Variants in EDIL3 observed in about 807,000 individuals in gnomAD.
EDIL3 encodes EGF-like repeat and discoidin I-like domain-containing protein 3.
A neutral mutation model predicts 67.4 loss-of-function variants in EDIL3; 37 were observed. The observed-to-expected ratio is 0.55, with a 90% confidence interval of 0.42 to 0.72. EDIL3 has a LOEUF of 0.72. Ranked by LOEUF, EDIL3 falls within the 30% of genes least tolerant of loss-of-function variation. The pLI, the probability that EDIL3 is intolerant of heterozygous loss-of-function variation, is 0.00. For synonymous variants in EDIL3, 195 were observed against 196.3 expected, an observed-to-expected ratio of 0.99 and a Z score of 0.05; for missense variants, 527 against 586.3, an observed-to-expected ratio of 0.90 and a Z score of 1.04.
chr5:84,100,338 A>G (rs1156976921), intron 6 of EDIL3, among the ~76,000 whole-genome samples: 1 of 152,172 alleles, frequency 6.6e-6, no homozygotes, highest in Non-Finnish European at 1.5e-5. Context: ...AATGCCCATC[A>G]ATGATAGACT....
At chr5:84,159,974 C>T (rs966723785) in intron 4 of EDIL3, among the ~76,000 whole-genome samples, 3 of 151,966 alleles carry the variant, frequency 2.0e-5, no homozygotes, top group Non-Finnish European at 4.4e-5. Flanking sequence ...ATTTTCTCAC[C>T]GCTTGTGTTG....
At chr5:84,025,578 A>C (rs1440762379) in intron 9 of EDIL3, among the ~76,000 whole-genome samples, 1 of 152,124 alleles carries the variant, frequency 6.6e-6, no homozygotes, top group Non-Finnish European at 1.5e-5. Flanking sequence ...ACTATTCCCA[A>C]CCCAGTCTGT....
At chr5:84,033,704 T>TAAAAAAAAAAAAAAAAAAAA (rs71605889) in intron 9 of EDIL3, among the ~76,000 whole-genome samples, 1 of 92,822 alleles carries the variant, frequency 1.1e-5, no homozygotes, top group Non-Finnish European at 2.1e-5. Context: ...ACATTGTCTC[T>TAAAAAAAAAAAAAAAAAAAA]AAAAAAAAAA....
chr5:84,013,105 A>C (rs507987), intron 9 of EDIL3, among the ~76,000 whole-genome samples: 98,318 of 151,128 alleles, frequency 0.65, 32,231 homozygotes, highest in East Asian at 0.75. Context: ...CAAGGATTTT[A>C]CACCTATTAC....
At chr5:84,373,323 T>C (rs565237063) in intron 1 of EDIL3, among the ~76,000 whole-genome samples, 1 of 152,204 alleles carries the variant, frequency 6.6e-6, no homozygotes, top group African/African-American at 2.4e-5. Context: ...CCAATCATCA[T>C]GTCTTCTACC....
At chr5:84,058,487 TAGA>T (rs1352609379) in intron 9 of EDIL3, among the ~76,000 whole-genome samples, 9 of 152,142 alleles carry the variant, frequency 5.9e-5, no homozygotes, top group African/African-American at 2.2e-4. Flanking sequence ...GCACTGGTGA[TAGA>T]AGTAGCAGTG....
intron 9 of EDIL3, among the ~76,000 whole-genome samples, chr5:84,034,605 G>C (rs1745984926): frequency 6.6e-6 from 1 of 152,132 alleles, no homozygotes; most frequent in African/African-American, 2.4e-5. Context: ...AAAAAGACAA[G>C]GGAGGGTGTT....
At chr5:84,212,310 T>C (rs370004851) in intron 3 of EDIL3, among the ~76,000 whole-genome samples, 1 of 152,184 alleles carries the variant, frequency 6.6e-6, no homozygotes, top group South Asian at 2.1e-4. Flanking sequence ...GAGAGAAGGA[T>C]GAGTCCAGTT....
intron 2 of EDIL3, among the ~76,000 whole-genome samples, chr5:84,248,674 C>A (rs1489387372): frequency 6.6e-6 from 1 of 152,150 alleles, no homozygotes; most frequent in Non-Finnish European, 1.5e-5. Flanking sequence ...CCTCCCAATC[C>A]TGTGTATTGT....
chr5:84,141,932 TATATATATATATATACATAG>T (rs1371774238), intron 4 of EDIL3, among the ~76,000 whole-genome samples: 2 of 97,256 alleles, frequency 2.1e-5, no homozygotes, highest in African/African-American at 7.4e-5. Context: ...TACACATATA[TATATATATATATATACATAG>T]ATCTATCTAT....
At chr5:84,210,310 T>C (rs1256708839) in intron 3 of EDIL3, among the ~76,000 whole-genome samples, 14 of 152,150 alleles carry the variant, frequency 9.2e-5, no homozygotes, top group Non-Finnish European at 1.6e-4. Flanking sequence ...TTTGCAATGA[T>C]GTGTTACTCT....
chr5:84,231,692 A>G (rs139537440), intron 2 of EDIL3, among the ~76,000 whole-genome samples: 4 of 152,340 alleles, frequency 2.6e-5, no homozygotes, highest in African/African-American at 9.6e-5. Flanking sequence ...CACAGTTGGC[A>G]TGCATGGCGC....
intron 6 of EDIL3, among the ~76,000 whole-genome samples, chr5:84,096,871 A>C (rs1747273996): frequency 6.6e-6 from 1 of 152,120 alleles, no homozygotes; most frequent in Non-Finnish European, 1.5e-5. Flanking sequence ...TTCCCATGCT[A>C]TTCTCATGAT....
intron 1 of EDIL3, among the ~76,000 whole-genome samples, chr5:84,337,504 T>C (rs1580086436): frequency 6.6e-6 from 1 of 152,120 alleles, no homozygotes; most frequent in African/African-American, 2.4e-5. Context: ...AATTAATTAC[T>C]ATATACATGT....
At chr5:84,154,449 G>C (rs1234107149) in intron 4 of EDIL3, among the ~76,000 whole-genome samples, 1 of 152,042 alleles carries the variant, frequency 6.6e-6, no homozygotes, top group Admixed American at 6.6e-5. Context: ...CACTAAAAAT[G>C]TGCCACTTTA....
chr5:84,249,489 G>GTCTA (rs141697190), intron 2 of EDIL3, among the ~76,000 whole-genome samples: 1 of 150,948 alleles, frequency 6.6e-6, no homozygotes, highest in South Asian at 2.1e-4. Flanking sequence ...ATGTCTGTCT[G>GTCTA]TCTATCTATT....
intron 1 of EDIL3, among the ~76,000 whole-genome samples, chr5:84,349,574 T>A (rs1046197206): frequency 6.6e-6 from 1 of 152,174 alleles, no homozygotes; most frequent in Non-Finnish European, 1.5e-5. Flanking sequence ...TCTTTAAATA[T>A]AAATTCCATT....
At chr5:84,205,513 G>A (rs1709075606) in intron 3 of EDIL3, among the ~76,000 whole-genome samples, 1 of 152,150 alleles carries the variant, frequency 6.6e-6, no homozygotes, top group South Asian at 2.1e-4. Context: ...TGAAAAACTT[G>A]ACTCTTTTGC....
intron 1 of EDIL3, among the ~76,000 whole-genome samples, chr5:84,347,995 A>G (rs1747268172): frequency 6.6e-6 from 1 of 152,190 alleles, no homozygotes; most frequent in Non-Finnish European, 1.5e-5. Flanking sequence ...GATGGTCTAG[A>G]TTCAATTCCA....
Sources: gnomAD v4.1 joint callset for allele counts (sites outside exome capture counted in the v4.1 genomes callset) on GRCh38, gnomAD v4.1.1 for gene constraint, MANE v1.5 for transcripts, NCBI Gene and HGNC (gene_info 2026-07-23, HGNC 2026-07-21) for gene names.